The following RBFOX1 variants were observed in gnomAD, a reference collection of about 807,000 sequenced individuals.
RBFOX1 encodes the protein RNA binding fox-1 homolog 1, also known as RNA binding protein fox-1 homolog 1.
RBFOX1 carries 8 observed loss-of-function variants against 57.7 expected under a neutral mutation model. The ratio of observed to expected loss-of-function variants is 0.14; its 90% CI spans 0.08 to 0.25. The LOEUF (loss-of-function observed/expected upper bound fraction) is 0.25. Among genes scored for constraint, RBFOX1 ranks in the 10% least tolerant of loss-of-function variants. RBFOX1 has a pLI of 1.00. For synonymous variants in RBFOX1, 326 were observed against 222.4 expected (o/e 1.47, Z -4.15); for missense variants, 611 against 548.5 (o/e 1.11, Z -1.14).
chr16:5,530,984 G>T (rs1490141398), intron 2 of RBFOX1, among the ~76,000 whole-genome samples: 2 of 142,600 alleles, frequency 1.4e-5, no homozygotes, highest in Non-Finnish European at 3.1e-5. Context: ...AATTAGCCAG[G>T]CTTGGTGGCA....
At chr16:7,299,030 A>T (rs767891542) in intron 4 of RBFOX1, among the ~76,000 whole-genome samples, 7 of 152,170 alleles carry the variant, frequency 4.6e-5, no homozygotes, top group Non-Finnish European at 1.5e-5. Flanking sequence ...ATCTACCTCA[A>T]ATATTTCAGC....
intron 3 of RBFOX1, among the ~76,000 whole-genome samples, chr16:7,003,669 G>C (rs1400591194): frequency 1.3e-5 from 2 of 152,054 alleles, no homozygotes; most frequent in African/African-American, 4.8e-5. Flanking sequence ...TAGCATCAAA[G>C]GAACATAGGA....
intron 3 of RBFOX1, among the ~76,000 whole-genome samples, chr16:6,693,462 C>CCTT (rs2060542381): frequency 6.6e-6 from 1 of 151,486 alleles, no homozygotes; most frequent in African/African-American, 2.4e-5. Context: ...CCACCATCAT[C>CCTT]ATCACCATCA....
intron 3 of RBFOX1, among the ~76,000 whole-genome samples, chr16:6,716,079 G>C (rs2064763446): frequency 1.3e-5 from 2 of 152,180 alleles, no homozygotes; most frequent in African/African-American, 4.8e-5. Flanking sequence ...GATGGCCCTG[G>C]TGACAATATG....
intron 2 of RBFOX1, among the ~76,000 whole-genome samples, chr16:6,323,508 T>G (rs140615653): frequency 6.6e-6 from 1 of 152,236 alleles, no homozygotes; most frequent in East Asian, 1.9e-4. Flanking sequence ...GTTCATTGAG[T>G]TGAATGAATT....
chr16:7,198,583 C>G (rs1174199829), intron 4 of RBFOX1, among the ~76,000 whole-genome samples: 1 of 152,174 alleles, frequency 6.6e-6, no homozygotes, highest in Non-Finnish European at 1.5e-5. Context: ...GGTTTGGAGG[C>G]TGGAAAGTCC....
At chr16:5,991,062 C>G (rs1319300849) in intron 4 of RBFOX1, among the ~76,000 whole-genome samples, 2 of 152,144 alleles carry the variant, frequency 1.3e-5, no homozygotes, top group Non-Finnish European at 2.9e-5. Context: ...TCTTGTGAAA[C>G]AAGGAAACTG....
intron 1 of RBFOX1, among the ~76,000 whole-genome samples, chr16:6,132,935 A>C (rs1329951103): frequency 4.0e-5 from 6 of 149,928 alleles, no homozygotes; most frequent in Non-Finnish European, 8.9e-5. Context: ...ACTGCACTCC[A>C]TCCTGGGCAA....
At chr16:6,790,181 T>C (rs1196874815) in intron 3 of RBFOX1, among the ~76,000 whole-genome samples, 1 of 146,742 alleles carries the variant, frequency 6.8e-6, no homozygotes, top group Non-Finnish European at 1.5e-5. Context: ...ATTATTATTA[T>C]TATTATTATT....
At chr16:5,594,961 GT>G (rs1300525090) in intron 2 of RBFOX1, among the ~76,000 whole-genome samples, 2 of 111,908 alleles carry the variant, frequency 1.8e-5, no homozygotes, top group Non-Finnish European at 3.5e-5. Context: ...GTAAAACCCT[GT>G]CTCTACTAAA....
In RBFOX1 at chr16:6,028,788, T is replaced by C. The variant is rs74006566; in HGVS notation, c.-127+8796T>C. On this transcript the variant is annotated intron_variant, in intron 1 of 15. Coordinates refer to ENST00000550418, the MANE Select transcript of RBFOX1 (RefSeq NM_018723.4). Reference sequence around the variant, plus strand: ...GTAGGATGCTGGTTAAAGAAGTGTCTTGCCTTCAAGGTGATAAGGCACTGA... The same window carrying C: ...GTAGGATGCTGGTTAAAGAAGTGTCCTGCCTTCAAGGTGATAAGGCACTGA... Among the ~76,000 whole-genome samples, 604 of 152,302 alleles carry C rather than the reference T, an allele frequency of 4.0e-3. 3 individuals carry two copies. Among genetic ancestry groups the C allele is most frequent in the African/African-American group, 0.014 (581 of 41,572 alleles).
At chr16:6,248,866 C>G (rs1456481449) in intron 1 of RBFOX1, among the ~76,000 whole-genome samples, 3 of 152,110 alleles carry the variant, frequency 2.0e-5, no homozygotes, top group Non-Finnish European at 2.9e-5. Flanking sequence ...ATGAAAAGAG[C>G]TTACAAGAGC....
At chr16:5,422,703 G>T in intron 1 of RBFOX1, among the ~76,000 whole-genome samples, 1 of 132,082 alleles carries the variant, frequency 7.6e-6, no homozygotes, top group South Asian at 2.8e-4. Context: ...GGGATGGGGA[G>T]GAAAGAGAAA....
intron 4 of RBFOX1, among the ~76,000 whole-genome samples, chr16:5,922,821 C>T (rs2058853443): frequency 2.0e-5 from 3 of 152,216 alleles, no homozygotes; most frequent in Non-Finnish European, 2.9e-5. Context: ...CATGTGAGCC[C>T]AGCCACAGAA....
At chr16:5,878,525 G>T (rs925045189) in intron 4 of RBFOX1, among the ~76,000 whole-genome samples, 2 of 152,120 alleles carry the variant, frequency 1.3e-5, no homozygotes, top group Non-Finnish European at 2.9e-5. Context: ...GGGGAAGCAG[G>T]CTTGAAAACC....
chr16:5,669,242 T>C (rs773058597), intron 3 of RBFOX1, among the ~76,000 whole-genome samples: 75 of 152,126 alleles, frequency 4.9e-4, no homozygotes, highest in Non-Finnish European at 9.4e-4. Flanking sequence ...TTTTGTTTTA[T>C]TTGCTTGGTG....
chr16:6,895,129 G>C (rs6500866), intron 3 of RBFOX1, among the ~76,000 whole-genome samples: 12,235 of 151,940 alleles, frequency 0.081, 1,657 homozygotes, highest in African/African-American at 0.28. Context: ...TAGAAGTTCA[G>C]TTCAGAGAAG....
At chr16:6,787,469 T>C (rs1016284805) in intron 3 of RBFOX1, among the ~76,000 whole-genome samples, 6 of 152,182 alleles carry the variant, frequency 3.9e-5, no homozygotes, top group African/African-American at 1.4e-4. Context: ...AGAGTGTGAA[T>C]TGGAGTCTCC....
intron 4 of RBFOX1, among the ~76,000 whole-genome samples, chr16:7,155,347 T>C (rs904098298): frequency 3.3e-5 from 5 of 152,000 alleles, no homozygotes; most frequent in Non-Finnish European, 5.9e-5. Flanking sequence ...CCTGGCACTT[T>C]GGGAGGTCGA....
Sources: allele counts gnomAD v4.1 joint callset (sites outside exome capture counted in the v4.1 genomes callset), GRCh38; gene constraint gnomAD v4.1.1; transcripts MANE v1.5; gene names NCBI Gene and HGNC (gene_info 2026-07-23, HGNC 2026-07-21).